The following POPDC3 variants were observed in gnomAD, a reference collection of about 807,000 sequenced individuals.
POPDC3 encodes the protein popeye domain cAMP effector 3.
POPDC3 carries 20 observed loss-of-function variants against 28.2 expected under a neutral mutation model. That is an observed-to-expected ratio of 0.71 (90% CI 0.50 to 1.03). The LOEUF is 1.03. Ranked by LOEUF, POPDC3 falls within the 50% of genes least tolerant of loss-of-function variation. The pLI is 0.00. For missense variants in POPDC3, 316 were observed against 345.9 expected, an observed-to-expected ratio of 0.91 and a Z score of 0.69; for synonymous variants, 118 against 124.1, an observed-to-expected ratio of 0.95 and a Z score of 0.33.
At chr6:105,172,569 A>G (rs982811296) in intron 1 of POPDC3, among the ~76,000 whole-genome samples, 2 of 150,888 alleles carry the variant, frequency 1.3e-5, no homozygotes, top group African/African-American at 4.9e-5. Context: ...TCATGCTGCT[A>G]TAAAGACACA....
intron 1 of POPDC3, among the ~76,000 whole-genome samples, chr6:105,166,945 TATATAA>T: frequency 6.6e-6 from 1 of 151,800 alleles, no homozygotes; most frequent in East Asian, 1.9e-4. Flanking sequence ...TATATATATT[TATATAA>T]ATATATTTGA....
chr6:105,173,918 AG>A (rs1481014068), intron 1 of POPDC3, among the ~76,000 whole-genome samples: 1 of 152,198 alleles, frequency 6.6e-6, no homozygotes, highest in Non-Finnish European at 1.5e-5. Flanking sequence ...CAGAAATAGA[AG>A]GAATGCACCA....
intron 1 of POPDC3, among the ~76,000 whole-genome samples, chr6:105,168,225 T>C (rs1382424227): frequency 6.6e-6 from 1 of 152,226 alleles, no homozygotes; most frequent in African/African-American, 2.4e-5. Context: ...CTTTTTCCTT[T>C]TGCCTGAGGA....
intron 1 of POPDC3, among the ~76,000 whole-genome samples, chr6:105,176,016 T>C (rs1222273170): frequency 1.3e-5 from 2 of 152,202 alleles, no homozygotes; most frequent in African/African-American, 2.4e-5. Context: ...ACTTTTCTCT[T>C]AGTTTGGAAG....
At chr6:105,178,633 G>A (rs1292995413) in intron 1 of POPDC3, 3 of 627,184 alleles carry the variant, frequency 4.8e-6, no homozygotes, top group South Asian at 7.1e-5. Flanking sequence ...CAGAACCTCA[G>A]AGATATCTGG....
intron 1 of POPDC3, among the ~76,000 whole-genome samples, chr6:105,165,535 C>A (rs1464770497): frequency 6.6e-6 from 1 of 152,206 alleles, no homozygotes; most frequent in Non-Finnish European, 1.5e-5. Flanking sequence ...CACTCTCTAT[C>A]CAATGTAACA....
Position 105,176,400 on chromosome 6 carries a change from T to G in POPDC3, c.-252+3433A>C, listed in dbSNP as rs983026230. On this transcript the variant is annotated intron_variant, in intron 1 of 3. Coordinates refer to ENST00000254765, the MANE Select transcript of POPDC3 (RefSeq NM_022361.5). ...CTGTGATTGGCTGAAACCTGGCTAT[T>G]ACAAAAAATACACTGTTGAGTTAGT... is the stretch of plus-strand genomic sequence containing the variant. Among the ~76,000 whole-genome samples, 11 of 152,358 alleles carry G rather than the reference T, an allele frequency of 7.2e-5. 1 individual carries two copies. Among genetic ancestry groups the G allele is most frequent in the Middle Eastern group, 6.8e-3 (2 of 294 alleles).
At position 105,171,200 on chromosome 6, in the gene POPDC3, T is replaced by C. The variant is rs564759341; in HGVS notation, c.-252+8633A>G. 2.0e-5 allele frequency among the ~76,000 whole-genome samples: 3 copies of C among 152,314 alleles called. No homozygotes were observed. In the South Asian group the frequency reaches 6.2e-4, roughly 32 times the overall value. Reference sequence around the variant, plus strand: ...AGTTGCAATTTAATGAATTCACCCATTGTTTTTTCTGGGTAAAACATGCGT... The same window carrying C: ...AGTTGCAATTTAATGAATTCACCCACTGTTTTTTCTGGGTAAAACATGCGT... On this transcript the variant is annotated intron_variant, in intron 1 of 3. Coordinates refer to ENST00000254765, the MANE Select transcript of POPDC3 (RefSeq NM_022361.5).
Position 105,161,031 on chromosome 6 carries a change from T to A in POPDC3, c.485+394A>T, listed in dbSNP as rs148738592. On this transcript the variant is annotated intron_variant, in intron 2 of 3. Transcript: ENST00000254765. Reference sequence around the variant, plus strand: ...AAAAAAGATAATAATAAAATTTAAATGTTTTCTGTTACTTAAAAGAAAGCC... The same window carrying A: ...AAAAAAGATAATAATAAAATTTAAAAGTTTTCTGTTACTTAAAAGAAAGCC... 4.5e-3 allele frequency among the ~76,000 whole-genome samples: 679 copies of A among 152,346 alleles called. 8 individuals carry two copies. The highest frequency in any genetic ancestry group is 0.016 in the African/African-American group (654 of 41,576).
chr6:105,175,011 A>C (rs960225917), intron 1 of POPDC3, among the ~76,000 whole-genome samples: 5 of 152,030 alleles, frequency 3.3e-5, no homozygotes, highest in African/African-American at 1.2e-4. Context: ...TACTAAAAAT[A>C]CAAAAATGAG....
chr6:105,172,587 A>G (rs1774599912), intron 1 of POPDC3, among the ~76,000 whole-genome samples: 1 of 150,836 alleles, frequency 6.6e-6, no homozygotes, highest in Non-Finnish European at 1.5e-5. Context: ...ACATGCACAC[A>G]TATGTTTATT....
rs750799364 is a variant in POPDC3, at chr6:105,158,512, CA to C, written c.833del (p.Leu278ArgfsTer19). Reference sequence around the variant, plus strand: ...GTCTGGAATTCTGAAAATGTTGTGTCAGGGGTGATCTGCGTATTTCTGGAGT... The same window carrying C: ...GTCTGGAATTCTGAAAATGTTGTGTCGGGGTGATCTGCGTATTTCTGGAGT... ...MSTPEIRRSP[L>X]TQHFQNSRRY... is the part of the protein sequence containing the mutation. On this transcript the variant is annotated frameshift_variant, in exon 4 of 4. Transcript: ENST00000254765. LOFTEE classifies it high-confidence loss of function. The C allele has an allele frequency of 1.7e-5, 27 of 1,613,730 alleles. No homozygotes were observed. Among genetic ancestry groups the C allele is most frequent in the African/African-American group, 1.5e-4 (11 of 75,002 alleles).
chr6:105,164,119 C>A (rs1464375584), intron 1 of POPDC3, among the ~76,000 whole-genome samples: 1 of 152,196 alleles, frequency 6.6e-6, no homozygotes, highest in East Asian at 1.9e-4. Flanking sequence ...TCAATCAATT[C>A]TTCAGGATAC....
At chr6:105,163,098 T>G (rs1237967151) in intron 1 of POPDC3, among the ~76,000 whole-genome samples, 2 of 152,172 alleles carry the variant, frequency 1.3e-5, no homozygotes, top group African/African-American at 4.8e-5. Flanking sequence ...AGAAACATAA[T>G]TAGAAGTCAC....
At chr6:105,160,760 TTTTG>T (rs2114525494) in intron 2 of POPDC3, among the ~76,000 whole-genome samples, 1 of 151,646 alleles carries the variant, frequency 6.6e-6, no homozygotes, top group African/African-American at 2.4e-5. Context: ...GCCTGGATAA[TTTTG>T]TTTTTCTATT....
At chr6:105,162,449 G>A (rs980952901) in intron 1 of POPDC3, among the ~76,000 whole-genome samples, 11 of 152,150 alleles carry the variant, frequency 7.2e-5, no homozygotes, top group African/African-American at 1.7e-4. Context: ...CTAAAAATGC[G>A]GGCCGGGCGA....
chr6:105,170,070 C>T (rs1481944999), intron 1 of POPDC3: 1 of 152,168 alleles, frequency 6.6e-6, no homozygotes. Context: ...AGTCACTCAG[C>T]CCTATAGTTG....
intron 1 of POPDC3, among the ~76,000 whole-genome samples, chr6:105,175,176 A>G (rs182761968): frequency 1.3e-5 from 2 of 152,198 alleles, no homozygotes; most frequent in Admixed American, 1.3e-4. Context: ...CAAAAAAAAA[A>G]AATTGTATCT....
At chr6:105,177,431 C>T (rs577004228) in intron 1 of POPDC3, among the ~76,000 whole-genome samples, 1 of 151,922 alleles carries the variant, frequency 6.6e-6, no homozygotes, top group South Asian at 2.1e-4. Flanking sequence ...TACCTGTTAC[C>T]CAGATTCAAC....
Sources: allele counts gnomAD v4.1 joint callset (sites outside exome capture counted in the v4.1 genomes callset), GRCh38; gene constraint gnomAD v4.1.1; transcripts MANE v1.5; gene names NCBI Gene and HGNC (gene_info 2026-07-23, HGNC 2026-07-21).